EGF: variants seen among roughly 807,000 people sequenced by gnomAD.
EGF encodes the protein pro-epidermal growth factor.
In EGF, 95 loss-of-function variants were observed where a neutral mutation model predicts 143.8. That is an observed-to-expected ratio of 0.66 (90% CI 0.56 to 0.78). EGF has a LOEUF of 0.78. EGF is among the 30% of genes least tolerant of loss of function. The pLI, the probability that EGF is intolerant of heterozygous loss-of-function variation, is 0.00. For missense variants in EGF, 1,320 were observed against 1,470.9 expected, an observed-to-expected ratio of 0.90 and a Z score of 1.68; for synonymous variants, 510 against 510.5, an observed-to-expected ratio of 1.00 and a Z score of 0.01.
At chr4:109,946,700 A>G (rs1742924626) in intron 5 of EGF, among the ~76,000 whole-genome samples, 1 of 152,164 alleles carries the variant, frequency 6.6e-6, no homozygotes, top group Admixed American at 6.5e-5. Context: ...GCCACCATAT[A>G]TACAGTAGAT....
In EGF at chr4:109,980,667, G is replaced by T. The variant is rs11569015; in HGVS notation, c.2222-159G>T. 9.4e-4 allele frequency: 746 copies of T among 796,948 alleles called. 4 individuals are homozygous for T. The African/African-American group carries it at 0.012, about 12-fold the overall frequency. The allele number at this position is 796,948 out of a possible 1,614,324, so 49.4% of individuals were successfully genotyped here. A position where few individuals can be genotyped will look rare whatever the true frequency, so the allele number is the denominator to read the frequency against. ...TCTTAGAATCAGTGGCTCCTTGGGG[G>T]AACTCTTCTGAAATAGCTATTGATA... On this transcript the variant is annotated intron_variant, in intron 14 of 23. Coordinates refer to ENST00000265171, the MANE Select transcript of EGF (RefSeq NM_001963.6).
At chr4:109,980,544 G>C in intron 14 of EGF, 1 of 493,938 alleles carries the variant, frequency 2.0e-6, no homozygotes, top group Non-Finnish European at 3.7e-6. Flanking sequence ...TTGACTAGAT[G>C]ATGAGTCAGG....
Position 109,983,552 on chromosome 4 carries a change from C to A in EGF, c.2491+11C>A, listed in dbSNP as rs755588204. 17 of 1,613,242 alleles carry A rather than the reference C, an allele frequency of 1.1e-5. 1 individual carries two copies. Among genetic ancestry groups the A allele is most frequent in the Admixed American group, 3.3e-5 (2 of 59,980 alleles). On this transcript the variant is annotated intron_variant, in intron 16 of 23. Coordinates refer to ENST00000265171, the MANE Select transcript of EGF (RefSeq NM_001963.6). ...AAATCATGGTGTCAGGTATGAATAA[C>A]TAGTTCTCCAATATACCTTTGGTTC...
At chr4:109,954,822 C>A (rs897658638) in intron 5 of EGF, among the ~76,000 whole-genome samples, 7 of 152,180 alleles carry the variant, frequency 4.6e-5, no homozygotes, top group African/African-American at 1.7e-4. Context: ...CAGTTCTACA[C>A]TCTATTTTCT....
rs57424246 is a variant in EGF, at chr4:109,932,360, C to CATATATATATAT, written c.128-8580_128-8569dup. 1.2e-3 allele frequency among the ~76,000 whole-genome samples: 106 copies of CATATATATATAT among 87,028 alleles called. 5 individuals are homozygous for CATATATATATAT. The highest frequency in any genetic ancestry group is 3.4e-3 in the African/African-American group (78 of 22,680). The allele number at this position is 87,028 out of a possible 152,430, so 57.1% of individuals were successfully genotyped here. A position where few individuals can be genotyped will look rare whatever the true frequency, so the allele number is the denominator to read the frequency against. ...TTTACATGAAAACCTCCCATTTAGT[C>CATATATATATAT]ATATATATATATATATAAATTTTTT... On this transcript the variant is annotated intron_variant, in intron 1 of 23. Coordinates refer to ENST00000265171, the MANE Select transcript of EGF (RefSeq NM_001963.6).
At chr4:109,964,378 C>G (rs1746201733) in intron 9 of EGF, 23 bp from the exon 10 acceptor site, 1 of 1,613,530 alleles carries the variant, frequency 6.2e-7, no homozygotes, top group African/African-American at 1.3e-5. Context: ...TAAATTCAGC[C>G]ATATTTGAAA....
Position 109,945,226 on chromosome 4 carries a change from A to G in EGF, c.891A>G (p.Val297=). ...SSFVPLGELK[V]VHPLAQPKAE... Reference sequence around the variant, plus strand: ...TTGTACCACTTGGTGAACTGAAAGTAGTGCATCCACTTGCACAACCCAAGG... The same window carrying G: ...TTGTACCACTTGGTGAACTGAAAGTGGTGCATCCACTTGCACAACCCAAGG... Residue 297 remains valine (V), a synonymous_variant, in exon 5 of 24, where the codon GTA becomes GTG. Transcript: ENST00000265171. 1 of 1,614,174 alleles carries G rather than the reference A, an allele frequency of 6.2e-7. No homozygotes were observed. The highest frequency in any genetic ancestry group is 8.5e-7 in the Non-Finnish European group (1 of 1,180,040).
Position 109,964,680 on chromosome 4 carries a change from T to C in EGF, c.1575+143T>C, listed in dbSNP as rs1380030021. The C allele has an allele frequency of 2.4e-6, 3 of 1,246,280 alleles. No homozygotes were observed. In the African/African-American group the frequency reaches 4.5e-5, roughly 19 times the overall value. 77.2% of individuals were successfully genotyped at this position (1,246,280 alleles called of 1,614,324 possible). On this transcript the variant is annotated intron_variant, in intron 10 of 23. Coordinates refer to ENST00000265171, the MANE Select transcript of EGF (RefSeq NM_001963.6). ...CACAGAACAAGTTAAATATAGATAT[T>C]GGAGTAACACTTGAGAAATTTTAAG...
At position 109,993,341 on chromosome 4, in the gene EGF, C is replaced by A; in HGVS notation, c.2829C>A (p.Arg943=). The change falls in exon 19 of 24, where the codon CGC becomes CGA. Residue 943 remains arginine, a synonymous_variant. Coordinates refer to ENST00000265171, the MANE Select transcript of EGF (RefSeq NM_001963.6). ...GCTATACCTGCATGTGTGCTGGACGCCTGTCTGAACCAGGACTGATTTGCC... is the reference window on the plus strand; with the variant it reads ...GCTATACCTGCATGTGTGCTGGACGACTGTCTGAACCAGGACTGATTTGCC... ...EGGYTCMCAG[R]LSEPGLICPD... 5 of 1,613,606 alleles carry A rather than the reference C, an allele frequency of 3.1e-6. No individual in the cohort carries two copies. The highest frequency in any genetic ancestry group is 4.2e-6 in the Non-Finnish European group (5 of 1,179,866).
chr4:110,008,222 C>A lies in EGF; in HGVS notation c.3362C>A (p.Ala1121Glu), dbSNP rs772594896. The A allele has an allele frequency of 1.2e-6, 2 of 1,614,002 alleles. No homozygotes were observed. The highest frequency in any genetic ancestry group is 1.7e-6 in the Non-Finnish European group (2 of 1,179,956). The change falls in exon 23 of 24, where the codon GCA (alanine) becomes GAA (glutamate). Residue 1121 changes from alanine to glutamate, a missense_variant. This residue lies in a region of EGF where 1,186 missense variants were observed against 1,313.7 expected (regional missense o/e 0.90). Transcript: ENST00000265171. Reference sequence around the variant, plus strand: ...CCAGTGGCTGGTGAGGATGGCCAGGCAGCAGATGGTCAGTTTTTATCCCTG... The same window carrying A: ...CCAGTGGCTGGTGAGGATGGCCAGGAAGCAGATGGTCAGTTTTTATCCCTG... The part of the protein sequence containing the change: ...GQPVAGEDGQ[A>E]ADGSMQPTSW...
chr4:110,002,784 G>A (rs1055414931), intron 21 of EGF, among the ~76,000 whole-genome samples: 1 of 151,954 alleles, frequency 6.6e-6, no homozygotes, highest in South Asian at 2.1e-4. Context: ...AGTACCCAAC[G>A]GTTATGTTTT....
chr4:109,978,375 A>C (rs1425470162), intron 13 of EGF, among the ~76,000 whole-genome samples: 1 of 152,262 alleles, frequency 6.6e-6, no homozygotes, highest in African/African-American at 2.4e-5. Context: ...AAAAATAAGA[A>C]AGATTATGTC....
intron 1 of EGF, among the ~76,000 whole-genome samples, chr4:109,934,212 A>G (rs1000363853): frequency 6.6e-6 from 1 of 151,934 alleles, no homozygotes; most frequent in Admixed American, 6.6e-5. Flanking sequence ...TTGGCTTGTG[A>G]TTTTTGCACA....
chr4:109,963,268 C>T lies in EGF; in HGVS notation c.1408C>T (p.Gln470Ter). The change falls in exon 9 of 24, where the codon CAA (glutamine) becomes TAA (stop). Residue 470 changes from glutamine (Q) to a stop codon, truncating the protein, a stop_gained. Coordinates refer to ENST00000265171, the MANE Select transcript of EGF (RefSeq NM_001963.6). LOFTEE classifies it high-confidence loss of function. The stretch of plus-strand genomic sequence containing the variant: ...TGATTGCTTTCCTGGGTATGACCTA[C>T]AACTGGATGAAAAAAGCTGTGCAGC... ...ECDCFPGYDL[Q>*]LDEKSCAASG... 2 of 1,613,930 alleles carry T rather than the reference C, an allele frequency of 1.2e-6. No individual in the cohort carries two copies. Among genetic ancestry groups the T allele is most frequent in the Non-Finnish European group, 1.7e-6 (2 of 1,179,944 alleles).
In EGF at chr4:109,994,847, T is replaced by G. The variant is rs746907780; in HGVS notation, c.2972T>G (p.Met991Arg). 6.2e-7 allele frequency: 1 copy of G among 1,614,158 alleles called. No homozygotes were observed. Among genetic ancestry groups the G allele is most frequent in the Non-Finnish European group, 8.5e-7 (1 of 1,179,982 alleles). Residue 991 changes from methionine (M) to arginine (R), a missense_variant, in exon 20 of 24, where the codon ATG becomes AGG. Met to Arg is a moderately conservative substitution (Grantham distance 91). This residue lies in a region of EGF where 1,186 missense variants were observed against 1,313.7 expected (regional missense o/e 0.90). Transcript: ENST00000265171. ...DGYCLHDGVC[M>R]YIEALDKYAC... ...TACTGCCTCCATGATGGTGTGTGCA[T>G]GTATATTGAAGCATTGGACAAGTAT... is the stretch of plus-strand genomic sequence containing the variant.
chr4:109,994,133 T>G (rs186733688), intron 19 of EGF, among the ~76,000 whole-genome samples: 3 of 152,328 alleles, frequency 2.0e-5, no homozygotes, highest in African/African-American at 4.8e-5. Flanking sequence ...ATGTTTACCT[T>G]TTAAGGAGCA....
chr4:109,973,477 C>A (rs1747991702), intron 11 of EGF, among the ~76,000 whole-genome samples: 1 of 152,136 alleles, frequency 6.6e-6, no homozygotes, highest in Admixed American at 6.6e-5. Context: ...CCCTGCTTGG[C>A]TGGGCTACCC....
In EGF at chr4:109,913,318, T is replaced by G. The variant is rs763336321; in HGVS notation, c.-18T>G. The G allele has an allele frequency of 6.2e-7, 1 of 1,613,388 alleles. No homozygotes were observed. ...AAATCAAGCTGTTTTCTTTTGAAAG[T>G]TCAAACTCATCAAGATTATGCTGCT... On this transcript the variant is annotated 5_prime_UTR_variant, in exon 1 of 24. Transcript: ENST00000265171.
Position 109,945,094 on chromosome 4 carries a change from C to A in EGF, c.759C>A (p.Ser253=). ...TTAGGCATAATTTGTTTGCAATGTC[C>A]CTTTTTGGTGACCGTATCTTCTATT... is the stretch of plus-strand genomic sequence containing the variant. The part of the protein sequence containing the change: ...HPTQHNLFAM[S]LFGDRIFYST... The change falls in exon 5 of 24, where the codon TCC becomes TCA. Residue 253 remains serine (S), a synonymous_variant. Transcript: ENST00000265171. 1 of 1,614,024 alleles carries A rather than the reference C, an allele frequency of 6.2e-7. No homozygotes were observed. Among genetic ancestry groups the A allele is most frequent in the Non-Finnish European group, 8.5e-7 (1 of 1,180,008 alleles).
Sources: gnomAD v4.1 joint callset for allele counts (sites outside exome capture counted in the v4.1 genomes callset) on GRCh38, gnomAD v4.1.1 for gene constraint, gnomAD v4.1.1 regional missense constraint, MANE v1.5 for transcripts, NCBI Gene and HGNC (gene_info 2026-07-23, HGNC 2026-07-21) for gene names.